The following HYAL4 variants were observed in gnomAD, a reference collection of about 807,000 sequenced individuals.
HYAL4 encodes hyaluronidase 4, also known as hyaluronidase-4.
A neutral mutation model predicts 35.2 loss-of-function variants in HYAL4; 37 were observed. The observed-to-expected ratio is 1.05, with a 90% CI of 0.81 to 1.38. The LOEUF is 1.38. Ranked by LOEUF, HYAL4 falls within the 40% of genes most tolerant of loss-of-function variation. The pLI is 0.00. For synonymous variants in HYAL4, 198 were observed against 203.2 expected, an observed-to-expected ratio of 0.97 and a Z score of 0.22; for missense variants, 572 against 572.4, an observed-to-expected ratio of 1.00 and a Z score of 0.01.
the HYAL4 span, among the ~76,000 whole-genome samples, chr7:123,767,827 G>A: frequency 2.0e-5 from 3 of 152,148 alleles, no homozygotes; most frequent in Admixed American, 2.0e-4. Context: ...CCAGTGGTAG[G>A]GAAAATGAAT....
At chr7:123,794,514 G>T in the HYAL4 span, among the ~76,000 whole-genome samples, 1 of 152,158 alleles carries the variant, frequency 6.6e-6, no homozygotes, top group Non-Finnish European at 1.5e-5. Context: ...TGCTCTATGC[G>T]CCTTGAGACA....
At chr7:123,853,099 T>C (rs1294449327) in intron 2 of HYAL4, among the ~76,000 whole-genome samples, 1 of 152,204 alleles carries the variant, frequency 6.6e-6, no homozygotes, top group Non-Finnish European at 1.5e-5. Context: ...ATCCTGAGAC[T>C]TTGCTTAAGT....
At chr7:123,817,490 C>T in the HYAL4 span, among the ~76,000 whole-genome samples, 2 of 151,320 alleles carry the variant, frequency 1.3e-5, no homozygotes, top group South Asian at 2.1e-4. Context: ...CTTGACCTTC[C>T]CCTCCAATGC....
At chr7:123,800,680 G>A in the HYAL4 span, among the ~76,000 whole-genome samples, 12 of 148,168 alleles carry the variant, frequency 8.1e-5, no homozygotes, top group Non-Finnish European at 1.6e-4. Flanking sequence ...GTTTTTAGAC[G>A]CAGTCTAGCT....
At chr7:123,779,105 A>G in the HYAL4 span, among the ~76,000 whole-genome samples, 2 of 152,184 alleles carry the variant, frequency 1.3e-5, no homozygotes, top group Non-Finnish European at 2.9e-5. Context: ...AAGATTCCAG[A>G]TTCCACATTT....
the HYAL4 span, among the ~76,000 whole-genome samples, chr7:123,810,960 T>C: frequency 5.9e-5 from 9 of 152,226 alleles, no homozygotes; most frequent in Non-Finnish European, 1.3e-4. Context: ...CTTAGTAAGA[T>C]GCTTACTTAA....
At chr7:123,788,154 C>G in the HYAL4 span, among the ~76,000 whole-genome samples, 2 of 152,086 alleles carry the variant, frequency 1.3e-5, no homozygotes, top group Non-Finnish European at 2.9e-5. Flanking sequence ...CTCATCTCTA[C>G]TAAGATAAAA....
At chr7:123,808,371 T>C in the HYAL4 span, among the ~76,000 whole-genome samples, 2 of 150,528 alleles carry the variant, frequency 1.3e-5, no homozygotes, top group East Asian at 2.0e-4. Flanking sequence ...TAGAAATGTG[T>C]ACACACACAC....
At chr7:123,768,106 T>A in the HYAL4 span, among the ~76,000 whole-genome samples, 1 of 152,210 alleles carries the variant, frequency 6.6e-6, no homozygotes. Flanking sequence ...TTTTAAAAAA[T>A]GTAAGATTAA....
the HYAL4 span, among the ~76,000 whole-genome samples, chr7:123,796,342 G>GA: frequency 2.6e-5 from 4 of 151,702 alleles, no homozygotes; most frequent in African/African-American, 9.7e-5. Flanking sequence ...AGAGAATCTG[G>GA]AAAAAAAATG....
chr7:123,766,621 G>A, the HYAL4 span, among the ~76,000 whole-genome samples: 1 of 151,988 alleles, frequency 6.6e-6, no homozygotes, highest in African/African-American at 2.4e-5. Context: ...CTTTTATATT[G>A]ATGGTTTTAT....
At chr7:123,844,730 C>T (rs1806140399), upstream of HYAL4, among the ~76,000 whole-genome samples, 1 of 152,168 alleles carries the variant, frequency 6.6e-6, no homozygotes, top group Non-Finnish European at 1.5e-5. Flanking sequence ...ACTCAAGCCT[C>T]AGCAATGGCG....
At chr7:123,788,391 G>T in the HYAL4 span, among the ~76,000 whole-genome samples, 1 of 151,932 alleles carries the variant, frequency 6.6e-6, no homozygotes, top group Admixed American at 6.5e-5. Context: ...TAGTTGAATA[G>T]AATTCAAGGA....
the HYAL4 span, among the ~76,000 whole-genome samples, chr7:123,781,779 A>T: frequency 2.0e-5 from 3 of 152,258 alleles, no homozygotes; most frequent in Non-Finnish European, 4.4e-5. Flanking sequence ...TAGTATTAAA[A>T]TTAATTCTAC....
chr7:123,810,264 CT>C, the HYAL4 span, among the ~76,000 whole-genome samples: 1 of 151,844 alleles, frequency 6.6e-6, no homozygotes, highest in Non-Finnish European at 1.5e-5. Context: ...TTAAAGCTGA[CT>C]TTCTTCTTGT....
Position 123,868,388 on chromosome 7 carries a change from C to A in HYAL4, c.115C>A (p.Arg39=). The change falls in exon 3 of 5, where the codon CGA becomes AGA. Residue 39 remains arginine, a synonymous_variant. Coordinates refer to ENST00000223026, the MANE Select transcript of HYAL4 (RefSeq NM_012269.3). ...LKSISCLKPA[R]LPIYQRKPFI... Reference sequence around the variant, plus strand: ...GTCTATCTCTTGTCTAAAACCTGCTCGACTTCCAATTTATCAAAGGAAACC... The same window carrying A: ...GTCTATCTCTTGTCTAAAACCTGCTAGACTTCCAATTTATCAAAGGAAACC... 1 of 1,612,568 alleles carries A rather than the reference C, an allele frequency of 6.2e-7. No homozygotes were observed. Among genetic ancestry groups the A allele is most frequent in the South Asian group, 1.1e-5 (1 of 90,752 alleles).
At chr7:123,843,358 T>G (rs1306022413), upstream of HYAL4, among the ~76,000 whole-genome samples, 1 of 152,124 alleles carries the variant, frequency 6.6e-6, no homozygotes, top group African/African-American at 2.4e-5. Context: ...GCATTTCTGC[T>G]GAAAGATCTG....
intron 2 of HYAL4, among the ~76,000 whole-genome samples, chr7:123,858,870 C>T (rs926594437): frequency 3.3e-5 from 5 of 152,170 alleles, no homozygotes; most frequent in African/African-American, 1.2e-4. Context: ...TTAACCTGCA[C>T]TCTTACTGAC....
At chr7:123,789,759 T>C in the HYAL4 span, among the ~76,000 whole-genome samples, 1 of 152,148 alleles carries the variant, frequency 6.6e-6, no homozygotes, top group African/African-American at 2.4e-5. Flanking sequence ...GACGTATACA[T>C]GAATACATAT....
Sources: gnomAD v4.1 joint callset for allele counts (sites outside exome capture counted in the v4.1 genomes callset) on GRCh38, gnomAD v4.1.1 for gene constraint, MANE v1.5 for transcripts, NCBI Gene and HGNC (gene_info 2026-07-23, HGNC 2026-07-21) for gene names.